Variants in COL4A6 observed in about 807,000 individuals in gnomAD.
COL4A6 encodes the protein collagen alpha-6(IV) chain.
A neutral mutation model predicts 126.7 loss-of-function variants in COL4A6; 59 were observed. The observed-to-expected ratio is 0.47, with a 90% CI of 0.38 to 0.58. COL4A6 has a LOEUF of 0.58. Among genes scored for constraint, COL4A6 ranks in the 20% least tolerant of loss-of-function variants. The pLI is 0.00. For synonymous variants in COL4A6, 547 were observed against 496.6 expected (o/e 1.10, Z -1.35); for missense variants, 1,285 against 1,337.3 (o/e 0.96, Z 0.61).
intron 14 of COL4A6, 128 bp downstream of exon 14, chrX:108,196,383 G>A: frequency 1.8e-6 from 1 of 562,671 alleles, no homozygotes; most frequent in Non-Finnish European, 3.0e-6. Context: ...TTAGGAACCT[G>A]CCATTGGGTT....
intron 2 of COL4A6, among the ~76,000 whole-genome samples, chrX:108,328,102 A>G (rs1434004902): frequency 8.9e-6 from 1 of 111,864 alleles, no homozygotes; most frequent in African/African-American, 3.3e-5. Context: ...TAAATGAACT[A>G]TAACTCAGGA....
At chrX:108,174,657 T>C (rs764798558) in intron 30 of COL4A6, 36 bp from the exon 31 acceptor site, 3 of 1,119,219 alleles carry the variant, frequency 2.7e-6, no homozygotes, top group South Asian at 4.5e-5. Flanking sequence ...AAAAAGACAC[T>C]GGGCAAGAAA....
At chrX:108,275,651 T>C (rs2037581500) in intron 3 of COL4A6, among the ~76,000 whole-genome samples, 1 of 112,828 alleles carries the variant, frequency 8.9e-6, no homozygotes, top group Non-Finnish European at 1.9e-5. Context: ...GGTAAACTGT[T>C]TAACCTTTAA....
chrX:108,346,167 A>C (rs1336829275), intron 2 of COL4A6, among the ~76,000 whole-genome samples: 1 of 111,497 alleles, frequency 9.0e-6, no homozygotes, highest in Non-Finnish European at 1.9e-5. Context: ...CCCCTTGGAG[A>C]ATATAGCCAT....
chrX:108,186,404 C>A (rs1340248525), intron 23 of COL4A6, among the ~76,000 whole-genome samples: 1 of 111,571 alleles, frequency 9.0e-6, no homozygotes, highest in Non-Finnish European at 1.9e-5. Flanking sequence ...GAGATAATCT[C>A]AAAATTTTAA....
chrX:108,277,825 G>A (rs1411919063), intron 3 of COL4A6, among the ~76,000 whole-genome samples: 5 of 111,317 alleles, frequency 4.5e-5, no homozygotes, highest in East Asian at 2.8e-4. Flanking sequence ...AGCAGCATTC[G>A]CGGTTCACGA....
intron 2 of COL4A6, among the ~76,000 whole-genome samples, chrX:108,411,945 T>C (rs774867920): frequency 8.1e-5 from 9 of 111,057 alleles, no homozygotes; most frequent in Non-Finnish European, 1.1e-4. Flanking sequence ...GAAAGGTTTA[T>C]GGAAACTATG....
intron 3 of COL4A6, among the ~76,000 whole-genome samples, chrX:108,243,157 A>G (rs2036620912): frequency 8.9e-6 from 1 of 111,959 alleles, no homozygotes; most frequent in Admixed American, 9.5e-5. Flanking sequence ...CAGCAAGGAT[A>G]TAAAATAGTA....
At chrX:108,418,505 A>G (rs770975161) in intron 2 of COL4A6, among the ~76,000 whole-genome samples, 1 of 111,872 alleles carries the variant, frequency 8.9e-6, no homozygotes, top group Non-Finnish European at 1.9e-5. Flanking sequence ...GAGAAAAAAA[A>G]ATCAACCTGA....
intron 2 of COL4A6, among the ~76,000 whole-genome samples, chrX:108,343,173 T>TATATA (rs1569434562): frequency 4.2e-5 from 4 of 94,324 alleles, no homozygotes; most frequent in African/African-American, 1.6e-4. Context: ...ATAGTGTGTG[T>TATATA]GTGTGTGTGT....
chrX:108,312,483 T>A (rs1214208478), intron 2 of COL4A6, among the ~76,000 whole-genome samples: 1 of 111,982 alleles, frequency 8.9e-6, no homozygotes, highest in African/African-American at 3.2e-5. Flanking sequence ...CAAGTTTTAA[T>A]AAGGGTGAGA....
intron 3 of COL4A6, among the ~76,000 whole-genome samples, chrX:108,305,079 A>ACT (rs2147890217): frequency 8.9e-6 from 1 of 112,009 alleles, no homozygotes; most frequent in African/African-American, 3.2e-5. Flanking sequence ...GAGAGCAGAC[A>ACT]AGTGAAGAGA....
chrX:108,386,119 T>A (rs2040685243), intron 2 of COL4A6, among the ~76,000 whole-genome samples: 1 of 112,063 alleles, frequency 8.9e-6, no homozygotes, highest in Non-Finnish European at 1.9e-5. Context: ...CAGTCTATCA[T>A]TGATGGGCAT....
At chrX:108,311,616 T>C (rs2038762581) in intron 2 of COL4A6, among the ~76,000 whole-genome samples, 1 of 111,794 alleles carries the variant, frequency 8.9e-6, no homozygotes, top group African/African-American at 3.3e-5. Context: ...GTTACTTTTT[T>C]CTGCAATGTT....
Position 108,164,870 on chromosome X carries a change from G to A in COL4A6, c.3970+7C>T. On this transcript the variant is annotated splice_region_variant and intron_variant, in intron 39 of 44. Transcript: ENST00000334504. ...GAAGGGCCCAGCAGCCAGCCGAGCA[G>A]CCGTACCTTTCAGTCCTAGCTCTCC... 1.7e-6 allele frequency: 2 copies of A among 1,198,661 alleles called. No homozygotes were observed. Among genetic ancestry groups the A allele is most frequent in the Non-Finnish European group, 2.3e-6 (2 of 887,639 alleles).
At chrX:108,424,562 C>T (rs1319554266) in intron 2 of COL4A6, among the ~76,000 whole-genome samples, 2 of 111,102 alleles carry the variant, frequency 1.8e-5, no homozygotes, top group African/African-American at 3.3e-5. Context: ...TCCATATTGA[C>T]CTCTCCCTTC....
intron 2 of COL4A6, among the ~76,000 whole-genome samples, chrX:108,381,278 C>G (rs923439980): frequency 9.0e-6 from 1 of 111,612 alleles, no homozygotes; most frequent in Non-Finnish European, 1.9e-5. Flanking sequence ...CTGAGTTCTA[C>G]TTGAGAGCTT....
At chrX:108,341,534 G>A (rs770220608) in intron 2 of COL4A6, among the ~76,000 whole-genome samples, 1 of 110,948 alleles carries the variant, frequency 9.0e-6, no homozygotes, top group East Asian at 2.9e-4. Context: ...CTGCCACCAT[G>A]AAAGATGTGC....
At chrX:108,173,915 G>C (rs908924906) in intron 31 of COL4A6, among the ~76,000 whole-genome samples, 1 of 112,637 alleles carries the variant, frequency 8.9e-6, no homozygotes, top group East Asian at 2.8e-4. Context: ...ACCTTGTGGA[G>C]CTTCAAAGAC....
Sources: allele counts gnomAD v4.1 joint callset (sites outside exome capture counted in the v4.1 genomes callset), GRCh38; gene constraint gnomAD v4.1.1; transcripts MANE v1.5; gene names NCBI Gene and HGNC (gene_info 2026-07-23, HGNC 2026-07-21).